Variants in BCL2L13 observed in about 807,000 individuals in gnomAD.
BCL2L13 encodes bcl-2-like protein 13.
BCL2L13 carries 13 observed loss-of-function variants against 25.8 expected under a neutral mutation model. That is an observed-to-expected ratio of 0.50 (90% CI 0.33 to 0.80). The LOEUF is 0.80. Among genes scored for constraint, BCL2L13 ranks in the 30% least tolerant of loss-of-function variants. The probability of loss-of-function intolerance (pLI) is 0.02; values close to 1 mark genes in which losing one functional copy is unlikely to be tolerated. For synonymous variants in BCL2L13, 244 were observed against 230.3 expected, an observed-to-expected ratio of 1.06 and a Z score of -0.54; for missense variants, 504 against 574.9, an observed-to-expected ratio of 0.88 and a Z score of 1.26.
At position 17,728,304 on chromosome 22, in the gene BCL2L13, C is replaced by T. The variant is rs899899144; in HGVS notation, c.*770C>T. On this transcript the variant is annotated 3_prime_UTR_variant, in exon 7 of 7. Transcript: ENST00000317582. Reference sequence around the variant, plus strand: ...GCAGCTCCACCTTGTAAAAATGCTGCCTTTGGGAATCTTCGAAATATGTAC... The same window carrying T: ...GCAGCTCCACCTTGTAAAAATGCTGTCTTTGGGAATCTTCGAAATATGTAC... 2.6e-5 allele frequency: 4 copies of T among 152,192 alleles called. No individual in the cohort carries two copies. Among genetic ancestry groups the T allele is most frequent in the Non-Finnish European group, 5.9e-5 (4 of 68,054 alleles). The allele number at this position is 152,192 out of a possible 1,614,324, so 9.4% of individuals were successfully genotyped here.
At chr22:17,720,717 G>C (rs2061098922) in intron 6 of BCL2L13, among the ~76,000 whole-genome samples, 1 of 151,024 alleles carries the variant, frequency 6.6e-6, no homozygotes, top group Non-Finnish European at 1.5e-5. Context: ...GCCCAGGTTG[G>C]TTTCAAATTC....
At chr22:17,633,422 C>T (rs1389056282) in intron 1 of BCL2L13, among the ~76,000 whole-genome samples, 1 of 152,176 alleles carries the variant, frequency 6.6e-6, no homozygotes, top group Non-Finnish European at 1.5e-5. Context: ...TTTTCTCCTA[C>T]ATTCTTAGGC....
At chr22:17,647,575 C>T (rs1215747425) in intron 1 of BCL2L13, among the ~76,000 whole-genome samples, 1 of 152,148 alleles carries the variant, frequency 6.6e-6, no homozygotes, top group African/African-American at 2.4e-5. Context: ...CTGCATTCCT[C>T]TCACCTAGTA....
chr22:17,638,908 G>A (rs912714174), intron 1 of BCL2L13, 22 bp downstream of exon 1: 1 of 1,231,904 alleles, frequency 8.1e-7, no homozygotes, highest in Non-Finnish European at 1.0e-6. Context: ...GGGGTTCCGG[G>A]AAGGCTGAGC....
intron 6 of BCL2L13, among the ~76,000 whole-genome samples, chr22:17,708,210 GA>G (rs762121832): frequency 1.3e-5 from 2 of 151,310 alleles, no homozygotes; most frequent in Admixed American, 1.3e-4. Context: ...GTGTTTGCTT[GA>G]AAAAAAACAC....
At chr22:17,650,991 CT>C (rs35235295) in intron 1 of BCL2L13, among the ~76,000 whole-genome samples, 59 of 105,408 alleles carry the variant, frequency 5.6e-4, no homozygotes, top group Admixed American at 9.9e-4. Context: ...CCATTCACTC[CT>C]TTTTTTTTTT....
At chr22:17,719,579 G>A (rs2061044413) in intron 6 of BCL2L13, among the ~76,000 whole-genome samples, 1 of 152,098 alleles carries the variant, frequency 6.6e-6, no homozygotes, top group Admixed American at 6.6e-5. Flanking sequence ...CAGCCATAAA[G>A]AAGAATGAAG....
Position 17,727,207 on chromosome 22 carries a change from T to C in BCL2L13, c.1131T>C (p.Phe377=). The change falls in exon 7 of 7, where the codon TTT becomes TTC. Residue 377 remains phenylalanine, a synonymous_variant. Coordinates refer to ENST00000317582, the MANE Select transcript of BCL2L13 (RefSeq NM_015367.4). The part of the protein sequence containing the change: ...VEKSSPATSL[F]VELDEEEVKA... ...AATCCAGCCCTGCTACATCTCTGTT[T>C]GTAGAACTTGATGAAGAAGAGGTGA... is the stretch of plus-strand genomic sequence containing the variant. The C allele has an allele frequency of 6.2e-7, 1 of 1,614,224 alleles. No homozygotes were observed. Among genetic ancestry groups the C allele is most frequent in the Non-Finnish European group, 8.5e-7 (1 of 1,180,030 alleles).
intron 2 of BCL2L13, among the ~76,000 whole-genome samples, chr22:17,668,460 T>G (rs1336338854): frequency 6.6e-6 from 1 of 151,026 alleles, no homozygotes; most frequent in Non-Finnish European, 1.5e-5. Context: ...GTGTTTTTTT[T>G]TTTTTCTCCT....
chr22:17,671,339 A>G (rs940900007), intron 2 of BCL2L13, among the ~76,000 whole-genome samples: 9 of 144,860 alleles, frequency 6.2e-5, no homozygotes, highest in South Asian at 2.2e-4. Context: ...GCTTGCAGTG[A>G]GCCAAGATCA....
At chr22:17,638,002 TCTTCTAACTC>T (rs1162294918), upstream of BCL2L13, 2 of 152,208 alleles carry the variant, frequency 1.3e-5, no homozygotes, top group Non-Finnish European at 2.9e-5. Context: ...TCTGGCTCAG[TCTTCTAACTC>T]CTTATTGTCA....
rs1390892349 is a variant in BCL2L13 at position 17,702,172 on chromosome 22, G to A, written c.457-71G>A. 9 of 1,151,646 alleles carry A rather than the reference G, an allele frequency of 7.8e-6. No individual in the cohort carries two copies. In the Admixed American group the frequency reaches 2.4e-4, roughly 31 times the overall value. 71.3% of individuals were successfully genotyped at this position (1,151,646 alleles called of 1,614,324 possible). A position where few individuals can be genotyped will look rare whatever the true frequency, so the allele number is the denominator to read the frequency against. On this transcript the variant is annotated intron_variant, in intron 5 of 6. Coordinates refer to ENST00000317582, the MANE Select transcript of BCL2L13 (RefSeq NM_015367.4). Reference sequence around the variant, plus strand: ...TGATGCATTTAAATATAATTTTCTAGTAGTTGAACATATAAAACACATTAT... The same window carrying A: ...TGATGCATTTAAATATAATTTTCTAATAGTTGAACATATAAAACACATTAT...
Position 17,726,977 on chromosome 22 carries a change from A to T in BCL2L13, c.901A>T (p.Asn301Tyr), listed in dbSNP as rs529304856. ...SNGAGEKSEN[N>Y]SSNSDIVHVE... is the part of the protein sequence containing the mutation. ...CGGAGCTGGAGAGAAGAGTGAGAAC[A>T]ACTCCTCTAATTCTGACATTGTGCA... is the stretch of plus-strand genomic sequence containing the variant. Residue 301 changes from asparagine to tyrosine, a missense_variant, in exon 7 of 7, where the codon AAC becomes TAC. Coordinates refer to ENST00000317582, the MANE Select transcript of BCL2L13 (RefSeq NM_015367.4). 1.2e-6 allele frequency: 2 copies of T among 1,614,186 alleles called. No individual in the cohort carries two copies. The highest frequency in any genetic ancestry group is 2.2e-5 in the East Asian group (1 of 44,884).
chr22:17,629,382 C>G (rs142882872), intron 1 of BCL2L13, among the ~76,000 whole-genome samples: 132 of 152,212 alleles, frequency 8.7e-4, no homozygotes, highest in Non-Finnish European at 1.7e-3. Flanking sequence ...GAGTGGGAAG[C>G]TATGCTCAAC....
chr22:17,698,166 A>G (rs2060321568), intron 5 of BCL2L13, among the ~76,000 whole-genome samples: 1 of 150,496 alleles, frequency 6.6e-6, no homozygotes, highest in South Asian at 2.1e-4. Context: ...CCTGGAGTGC[A>G]TTGGTGCAAT....
At chr22:17,689,437 C>T (rs1280649527) in intron 4 of BCL2L13, among the ~76,000 whole-genome samples, 1 of 152,172 alleles carries the variant, frequency 6.6e-6, no homozygotes, top group Non-Finnish European at 1.5e-5. Flanking sequence ...ATTTCACTTC[C>T]CCAGACCACT....
chr22:17,707,173 T>C (rs2060617214), intron 6 of BCL2L13, among the ~76,000 whole-genome samples: 1 of 131,418 alleles, frequency 7.6e-6, no homozygotes, highest in South Asian at 2.1e-4. Flanking sequence ...GAGTAAGTAC[T>C]GTTTTGGGAA....
Position 17,638,851 on chromosome 22 carries a change from C to A in BCL2L13, c.-86C>A. ...TGTCGGAAGCAACTGCCGCCGCCGC[C>A]TCTTTCATCTCTTCTGGGGCAGGGG... On this transcript the variant is annotated 5_prime_UTR_variant, in exon 1 of 7. Transcript: ENST00000317582. 2 of 1,232,236 alleles carry A rather than the reference C, an allele frequency of 1.6e-6. No homozygotes were observed. The highest frequency in any genetic ancestry group is 2.0e-6 in the Non-Finnish European group (2 of 988,404). The allele number at this position is 1,232,236 out of a possible 1,614,324, so 76.3% of individuals were successfully genotyped here.
At position 17,638,787 on chromosome 22, in the gene BCL2L13, G is replaced by C; in HGVS notation, c.-150G>C. On this transcript the variant is annotated 5_prime_UTR_variant, in exon 1 of 7. It removes the in-frame stop codon of an upstream open reading frame in the 5' UTR. Coordinates refer to ENST00000317582, the MANE Select transcript of BCL2L13 (RefSeq NM_015367.4). The stretch of plus-strand genomic sequence containing the variant: ...CCAACATGGCGGCGGCGGTAGATTA[G>C]GGCCGCGGGTCGGAGCACTCACCGC... 1 of 1,231,774 alleles carries C rather than the reference G, an allele frequency of 8.1e-7. No individual in the cohort carries two copies. The allele number at this position is 1,231,774 out of a possible 1,614,324, so 76.3% of individuals were successfully genotyped here. A position where few individuals can be genotyped will look rare whatever the true frequency, so the allele number is the denominator to read the frequency against.
Sources: gnomAD v4.1 joint callset for allele counts (sites outside exome capture counted in the v4.1 genomes callset) on GRCh38, gnomAD v4.1.1 for gene constraint, MANE v1.5 for transcripts, NCBI Gene and HGNC (gene_info 2026-07-23, HGNC 2026-07-21) for gene names.